The following PRUNE2 variants were observed in gnomAD, a reference collection of about 807,000 sequenced individuals.
The protein encoded by PRUNE2 is prune homolog 2 with BCH domain, also known as protein prune homolog 2.
PRUNE2 carries 164 observed loss-of-function variants against 252.0 expected under a neutral mutation model. The ratio of observed to expected loss-of-function variants is 0.65; its 90% CI spans 0.57 to 0.74. PRUNE2 has a LOEUF of 0.74. Among genes scored for constraint, PRUNE2 ranks in the 30% least tolerant of loss-of-function variants. The pLI, the probability that PRUNE2 is intolerant of heterozygous loss-of-function variation, is 0.00. For missense variants in PRUNE2, 3,495 were observed against 3,711.0 expected, an observed-to-expected ratio of 0.94 and a Z score of 1.51; for synonymous variants, 1,292 against 1,350.2, an observed-to-expected ratio of 0.96 and a Z score of 0.94.
intron 4 of PRUNE2, among the ~76,000 whole-genome samples, chr9:76,842,582 C>T (rs1164052916): frequency 2.0e-5 from 3 of 152,108 alleles, no homozygotes; most frequent in Non-Finnish European, 2.9e-5. Context: ...GCAATCTATC[C>T]ACCTGACAAA....
chr9:76,890,577 C>T (rs944561), intron 1 of PRUNE2, among the ~76,000 whole-genome samples: 69,312 of 152,006 alleles, frequency 0.46, 16,263 homozygotes, highest in African/African-American at 0.55. Context: ...CAGGTGTGCA[C>T]GATTTAACAA....
chr9:76,692,054 C>T, intron 9 of PRUNE2: 1 of 717,438 alleles, frequency 1.4e-6, no homozygotes, highest in Non-Finnish European at 2.6e-6. Context: ...CTCCTAAAAG[C>T]TACACCAGGA....
intron 4 of PRUNE2, among the ~76,000 whole-genome samples, chr9:76,840,493 A>C (rs908164512): frequency 3.9e-5 from 6 of 152,194 alleles, no homozygotes; most frequent in African/African-American, 1.4e-4. Flanking sequence ...GAAAATGTAG[A>C]GTTTTTTGGT....
chr9:76,746,021 T>G (rs10869812), intron 6 of PRUNE2, among the ~76,000 whole-genome samples: 30,970 of 152,106 alleles, frequency 0.2, 3,971 homozygotes, highest in East Asian at 0.49. Context: ...ATGATGAGAC[T>G]TTGCTATGTG....
At chr9:76,877,620 TC>T (rs1408485892) in intron 1 of PRUNE2, among the ~76,000 whole-genome samples, 1 of 152,032 alleles carries the variant, frequency 6.6e-6, no homozygotes, top group African/African-American at 2.4e-5. Flanking sequence ...CCAAAAGTGA[TC>T]CCCCCAGCTG....
intron 6 of PRUNE2, among the ~76,000 whole-genome samples, chr9:76,765,115 G>C (rs540756106): frequency 4.5e-4 from 69 of 152,268 alleles, no homozygotes; most frequent in African/African-American, 1.6e-3. Context: ...TTTGTTGGGG[G>C]CGTGACATTA....
At chr9:76,655,604 C>T in intron 9 of PRUNE2, 102 bp from the exon 10 acceptor site, 2 of 856,236 alleles carry the variant, frequency 2.3e-6, no homozygotes, top group Non-Finnish European at 3.9e-6. Context: ...TTTCAACTCA[C>T]TTAAAATAAA....
intron 6 of PRUNE2, chr9:76,784,531 C>T (rs569338205): frequency 1.1e-4 from 16 of 152,372 alleles, no homozygotes; most frequent in African/African-American, 1.9e-4. Context: ...TATCTGATCT[C>T]TACGGTTCCT....
At chr9:76,643,268 G>A (rs1843310950) in intron 12 of PRUNE2, among the ~76,000 whole-genome samples, 1 of 152,170 alleles carries the variant, frequency 6.6e-6, no homozygotes, top group African/African-American at 2.4e-5. Flanking sequence ...TCTGCATTTA[G>A]GAGCTGATGT....
intron 9 of PRUNE2, among the ~76,000 whole-genome samples, chr9:76,676,071 A>C (rs560363855): frequency 1.2e-4 from 13 of 110,868 alleles, no homozygotes; most frequent in African/African-American, 3.6e-4. Context: ...ATAATAAAAA[A>C]AAAACCAAAA....
intron 1 of PRUNE2, among the ~76,000 whole-genome samples, chr9:76,896,281 G>A (rs1014677834): frequency 1.2e-4 from 19 of 152,192 alleles, no homozygotes; most frequent in Non-Finnish European, 4.4e-5. Flanking sequence ...GTTTTGCTAT[G>A]CTCCCAGCAT....
chr9:76,759,201 AATAGTGCATTTG>A (rs1302680056), intron 6 of PRUNE2: 6 of 152,142 alleles, frequency 3.9e-5, no homozygotes, highest in Admixed American at 3.9e-4. Context: ...GTGTAATGGA[AATAGTGCATTTG>A]ATGCCTGCCT....
intron 4 of PRUNE2, among the ~76,000 whole-genome samples, chr9:76,837,229 G>T (rs368695694): frequency 2.6e-5 from 4 of 152,144 alleles, no homozygotes; most frequent in African/African-American, 7.2e-5. Context: ...GGATCACAAG[G>T]TGAAGCGATT....
intron 1 of PRUNE2, among the ~76,000 whole-genome samples, chr9:76,901,768 A>G (rs749983685): frequency 6.6e-6 from 1 of 152,210 alleles, no homozygotes; most frequent in African/African-American, 2.4e-5. Context: ...AGAAGTCCAC[A>G]TATCAACTAA....
intron 9 of PRUNE2, among the ~76,000 whole-genome samples, chr9:76,682,746 A>G (rs975595486): frequency 1.3e-5 from 2 of 152,230 alleles, no homozygotes; most frequent in Non-Finnish European, 2.9e-5. Flanking sequence ...ATAATTTAAT[A>G]CATTAATATA....
At chr9:76,756,732 A>T (rs1789279112) in intron 6 of PRUNE2, among the ~76,000 whole-genome samples, 2 of 152,210 alleles carry the variant, frequency 1.3e-5, no homozygotes, top group Admixed American at 1.3e-4. Context: ...CAAGTCTGCA[A>T]ACCTTTGTCA....
chr9:76,818,977 G>A (rs1036496546), intron 6 of PRUNE2, among the ~76,000 whole-genome samples: 4 of 152,254 alleles, frequency 2.6e-5, no homozygotes, highest in South Asian at 2.1e-4. Flanking sequence ...GAGGCCAGGC[G>A]CCATGGCTCA....
Position 76,713,549 on chromosome 9 carries a change from G to T in PRUNE2, c.915+14C>A. The T allele has an allele frequency of 6.2e-7, 1 of 1,603,582 alleles. No individual in the cohort carries two copies. Among genetic ancestry groups the T allele is most frequent in the South Asian group, 1.1e-5 (1 of 88,636 alleles). On this transcript the variant is annotated intron_variant, in intron 7 of 18. Coordinates refer to ENST00000376718, the MANE Select transcript of PRUNE2 (RefSeq NM_015225.3). The stretch of plus-strand genomic sequence containing the variant: ...GGACAGAGGGAACATGACGGGGTCA[G>T]AGGAGGGGCTCACCTGACTGCACAG...
chr9:76,730,579 A>G (rs2048473247), intron 6 of PRUNE2, among the ~76,000 whole-genome samples: 1 of 152,174 alleles, frequency 6.6e-6, no homozygotes, highest in South Asian at 2.1e-4. Flanking sequence ...GAAGCCATAA[A>G]AAAAGGAGAG....
Sources: gnomAD v4.1 joint callset for allele counts (sites outside exome capture counted in the v4.1 genomes callset) on GRCh38, gnomAD v4.1.1 for gene constraint, MANE v1.5 for transcripts, NCBI Gene and HGNC (gene_info 2026-07-23, HGNC 2026-07-21) for gene names.